The following CEP192 variants were observed in gnomAD, a reference collection of about 807,000 sequenced individuals.
CEP192 encodes the protein centrosomal protein 192.
CEP192 carries 151 observed loss-of-function variants against 271.8 expected under a neutral mutation model. That is an observed-to-expected ratio of 0.56 (90% CI 0.49 to 0.64). The LOEUF is 0.64. CEP192 is among the 30% of genes least tolerant of loss of function. The pLI is 0.00. For synonymous variants in CEP192, 995 were observed against 1,076.5 expected (o/e 0.92, Z 1.48); for missense variants, 2,910 against 3,020.5 (o/e 0.96, Z 0.86).
intron 30 of CEP192, among the ~76,000 whole-genome samples, chr18:13,086,582 T>C (rs2038908632): frequency 6.6e-6 from 1 of 152,184 alleles, no homozygotes; most frequent in Admixed American, 6.6e-5. Flanking sequence ...TCACCCGCCT[T>C]CAGTATTGAT....
Position 13,095,670 on chromosome 18 carries a change from C to T in CEP192, c.6422C>T (p.Ala2141Val), listed in dbSNP as rs753261191. The T allele has an allele frequency of 6.2e-7, 1 of 1,612,378 alleles. No individual in the cohort carries two copies. Among genetic ancestry groups the T allele is most frequent in the East Asian group, 2.2e-5 (1 of 44,872 alleles). Reference protein sequence around the residue: ...TVLPEHLILVAPSPCDMAKTG... With the variant: ...TVLPEHLILVVPSPCDMAKTG... ...CTACCCGAGCACTTGATTCTGGTAG[C>T]TCCTTCTCCTTGTGAGTATGTCAAC... Residue 2141 changes from alanine to valine, a missense_variant, in exon 35 of 45, where the codon GCT (alanine) becomes GTT (valine). Ala to Val is a moderately conservative substitution (Grantham distance 64, BLOSUM62 0). Transcript: ENST00000506447.
At chr18:12,995,793 C>T (rs905532215) in intron 1 of CEP192, among the ~76,000 whole-genome samples, 1 of 152,176 alleles carries the variant, frequency 6.6e-6, no homozygotes, top group African/African-American at 2.4e-5. Context: ...GCACAAAGAA[C>T]TGAAAGAAGT....
At chr18:13,007,311 A>T (rs1286758567) in intron 3 of CEP192, among the ~76,000 whole-genome samples, 2 of 151,964 alleles carry the variant, frequency 1.3e-5, no homozygotes, top group East Asian at 1.9e-4. Context: ...TAGTTTGAAA[A>T]TTTTTTTTGA....
At chr18:13,067,559 A>G (rs1474021597) in intron 21 of CEP192, among the ~76,000 whole-genome samples, 2 of 152,264 alleles carry the variant, frequency 1.3e-5, no homozygotes, top group Non-Finnish European at 2.9e-5. Flanking sequence ...ATAATTTTAT[A>G]AAATTATCAG....
At position 13,049,519 on chromosome 18, in the gene CEP192, G is replaced by A. The variant is rs138357204; in HGVS notation, c.2728G>A (p.Val910Met). ...CACTCCATCTGATAGTTATTCATCA[G>A]TGAGGAACCCCAGAATAACATCCCT... ...ISTPSDSYSS[V>M]RNPRITSLCL... Residue 910 changes from valine to methionine, a missense_variant, in exon 16 of 45, where the codon GTG becomes ATG. Val to Met is a conservative substitution (Grantham distance 21). Coordinates refer to ENST00000506447, the MANE Select transcript of CEP192 (RefSeq NM_032142.4). The A allele has an allele frequency of 1.6e-4, 265 of 1,613,958 alleles. No homozygotes were observed. Among genetic ancestry groups the A allele is most frequent in the Non-Finnish European group, 2.1e-4 (248 of 1,180,014 alleles).
At chr18:13,070,638 C>CATA (rs1221426096) in intron 27 of CEP192, among the ~76,000 whole-genome samples, 1 of 152,184 alleles carries the variant, frequency 6.6e-6, no homozygotes, top group African/African-American at 2.4e-5. Context: ...ATGGCTTATC[C>CATA]CCCTGCCTGG....
intron 9 of CEP192, among the ~76,000 whole-genome samples, chr18:13,029,171 G>A (rs916540510): frequency 4.6e-5 from 7 of 152,222 alleles, no homozygotes; most frequent in African/African-American, 1.4e-4. Context: ...TAGTTTGAAG[G>A]CACTGGATTA....
intron 15 of CEP192, among the ~76,000 whole-genome samples, chr18:13,045,099 CTT>C (rs2036404661): frequency 6.6e-6 from 1 of 152,200 alleles, no homozygotes; most frequent in Admixed American, 6.5e-5. Flanking sequence ...AGCTATGTCT[CTT>C]TTGTTCATTC....
At chr18:12,993,858 C>T (rs2033040130) in intron 1 of CEP192, among the ~76,000 whole-genome samples, 1 of 152,184 alleles carries the variant, frequency 6.6e-6, no homozygotes, top group Admixed American at 6.5e-5. Flanking sequence ...TAATAATAGA[C>T]ACAGTATCAG....
chr18:13,049,463 T>C lies in CEP192; in HGVS notation c.2672T>C (p.Val891Ala). The change falls in exon 16 of 45, where the codon GTT becomes GCT. Residue 891 changes from valine to alanine, a missense_variant. Physicochemically the swap from Val to Ala is moderately conservative, Grantham distance 64. Coordinates refer to ENST00000506447, the MANE Select transcript of CEP192 (RefSeq NM_032142.4). ...TCSIDNKLQD[V>A]GNDEKATSIS... ...TCCATTGACAACAAATTACAAGATG[T>C]TGGTAACGATGAAAAAGCTACCTCA... The C allele has an allele frequency of 1.2e-6, 2 of 1,614,108 alleles. No individual in the cohort carries two copies.
At chr18:13,071,255 T>C in intron 28 of CEP192, 43 bp downstream of exon 28, 1 of 1,527,250 alleles carries the variant, frequency 6.5e-7, no homozygotes, top group Non-Finnish European at 9.0e-7. Flanking sequence ...TTTATACATA[T>C]TTTGGAGCAG....
At chr18:13,080,835 T>G (rs921254314) in intron 30 of CEP192, among the ~76,000 whole-genome samples, 49 of 152,212 alleles carry the variant, frequency 3.2e-4, no homozygotes, top group Non-Finnish European at 1.5e-4. Context: ...TTATTGAGAG[T>G]TTTTAGCATG....
At position 13,057,469 on chromosome 18, in the gene CEP192, A is replaced by AC. The variant is rs977606709; in HGVS notation, c.4109-115dup. On this transcript the variant is annotated intron_variant, in intron 19 of 44. Coordinates refer to ENST00000506447, the MANE Select transcript of CEP192 (RefSeq NM_032142.4). ...GGACTCCTTCATCTGGAGCACTTTG[A>AC]CTCTAGCTCTGTGTAAACAGGCCAT... The AC allele has an allele frequency of 3.4e-5, 39 of 1,134,846 alleles. 1 individual carries two copies. In the African/African-American group the frequency reaches 4.7e-4, roughly 14 times the overall value. The allele number at this position is 1,134,846 out of a possible 1,614,324, so 70.3% of individuals were successfully genotyped here. A position where few individuals can be genotyped will look rare whatever the true frequency, so the allele number is the denominator to read the frequency against.
chr18:13,113,565 T>C (rs761914406), intron 40 of CEP192, 21 bp from the exon 41 acceptor site: 2 of 1,610,682 alleles, frequency 1.2e-6, no homozygotes, highest in East Asian at 2.2e-5. Context: ...TCTAAATTTC[T>C]CTTCTGTATG....
chr18:13,077,687 A>C (rs577349303), intron 30 of CEP192, among the ~76,000 whole-genome samples: 1 of 152,180 alleles, frequency 6.6e-6, no homozygotes, highest in South Asian at 2.1e-4. Flanking sequence ...AAGTTGTTTG[A>C]GTTCTTATCT....
intron 20 of CEP192, chr18:13,058,777 G>T (rs2037251475): frequency 5.5e-6 from 2 of 362,232 alleles, no homozygotes; most frequent in Non-Finnish European, 1.0e-5. Flanking sequence ...GAGACTTACA[G>T]GGCTGTGAAA....
chr18:13,117,037 T>C (rs2040464574), intron 43 of CEP192, among the ~76,000 whole-genome samples: 1 of 150,074 alleles, frequency 6.7e-6, no homozygotes, highest in South Asian at 2.1e-4. Context: ...ACCTGGGCAA[T>C]ATAGTGAGAC....
intron 21 of CEP192, among the ~76,000 whole-genome samples, chr18:13,060,004 T>G (rs1458751107): frequency 6.6e-6 from 1 of 152,038 alleles, no homozygotes; most frequent in African/African-American, 2.4e-5. Flanking sequence ...TTAAGGAATG[T>G]GAGAGGGAGA....
At chr18:13,085,115 G>T in intron 30 of CEP192, among the ~76,000 whole-genome samples, 1 of 151,912 alleles carries the variant, frequency 6.6e-6, no homozygotes, top group East Asian at 1.9e-4. Flanking sequence ...GTGAGCCACC[G>T]TGCCTGGTCG....
Sources: allele counts gnomAD v4.1 joint callset (sites outside exome capture counted in the v4.1 genomes callset), GRCh38; gene constraint gnomAD v4.1.1; transcripts MANE v1.5; gene names NCBI Gene and HGNC (gene_info 2026-07-23, HGNC 2026-07-21).